CD200: variants seen among roughly 807,000 people sequenced by gnomAD.
CD200 encodes OX-2 membrane glycoprotein.
CD200 carries 15 observed loss-of-function variants against 30.9 expected under a neutral mutation model. The ratio of observed to expected loss-of-function variants is 0.49; its 90% CI spans 0.32 to 0.75. The LOEUF (loss-of-function observed/expected upper bound fraction) is 0.75. Among genes scored for constraint, CD200 ranks in the 30% least tolerant of loss-of-function variants. CD200 has a pLI of 0.03. For missense variants in CD200, 262 were observed against 324.2 expected (o/e 0.81, Z 1.47); for synonymous variants, 134 against 126.2 (o/e 1.06, Z -0.41).
chr3:112,342,295 TTCC>T (rs2081256260), intron 2 of CD200, among the ~76,000 whole-genome samples: 1 of 48,052 alleles, frequency 2.1e-5, no homozygotes, highest in South Asian at 5.9e-4. Context: ...CCTTCCTTCC[TTCC>T]TTCCTTCCTT....
At chr3:112,337,333 G>A (rs1025268273) in intron 1 of CD200, among the ~76,000 whole-genome samples, 1 of 152,114 alleles carries the variant, frequency 6.6e-6, no homozygotes, top group Admixed American at 6.5e-5. Flanking sequence ...CTGTAATCAG[G>A]CTCATAAAAG....
rs892996507 is a variant in CD200, at chr3:112,362,512, C to G, written c.*962C>G. On this transcript the variant is annotated 3_prime_UTR_variant, in exon 6 of 6. Coordinates refer to ENST00000315711, the MANE Select transcript of CD200 (RefSeq NM_005944.7). ...GTCTCTGCTGGCTTCTTTTTCCATG[C>G]GTTAACTTTTCCCAATAGCAGAGGA... The G allele has an allele frequency of 1.3e-5, 2 of 152,542 alleles. No individual in the cohort carries two copies. The highest frequency in any genetic ancestry group is 1.5e-5 in the Non-Finnish European group (1 of 68,014). The allele number at this position is 152,542 out of a possible 1,614,324, so 9.4% of individuals were successfully genotyped here. A position where few individuals can be genotyped will look rare whatever the true frequency, so the allele number is the denominator to read the frequency against.
intron 1 of CD200, chr3:112,335,829 A>T: frequency 1.3e-6 from 1 of 793,446 alleles, no homozygotes. Flanking sequence ...CACCCAGACC[A>T]TGACAGCTCT....
intron 5 of CD200, among the ~76,000 whole-genome samples, chr3:112,361,221 T>A (rs573692094): frequency 6.6e-6 from 1 of 152,072 alleles, no homozygotes; most frequent in East Asian, 1.9e-4. Context: ...TTTATTTTTA[T>A]TTTTTGTAGA....
At chr3:112,345,438 T>C in intron 3 of CD200, 150 bp downstream of exon 3, 3 of 652,700 alleles carry the variant, frequency 4.6e-6, no homozygotes, top group South Asian at 3.9e-5. Context: ...GCTGTGTTTA[T>C]GATTATTTGG....
intron 4 of CD200, 36 bp from the exon 5 acceptor site, chr3:112,349,676 A>T: frequency 6.3e-7 from 1 of 1,577,696 alleles, no homozygotes; most frequent in Non-Finnish European, 8.6e-7. Flanking sequence ...TCCTCATGTG[A>T]TGTCATTTTC....
intron 5 of CD200, among the ~76,000 whole-genome samples, chr3:112,355,937 A>G (rs1180935347): frequency 1.3e-5 from 2 of 152,244 alleles, no homozygotes; most frequent in South Asian, 2.1e-4. Flanking sequence ...AAAAATAACC[A>G]TATTGTAAAA....
intron 1 of CD200, among the ~76,000 whole-genome samples, chr3:112,339,718 A>G (rs1307481333): frequency 6.6e-6 from 1 of 152,268 alleles, no homozygotes; most frequent in Non-Finnish European, 1.5e-5. Flanking sequence ...AAAGCCTTGT[A>G]GAATTTTCTT....
chr3:112,349,516 C>T (rs1235640917), intron 4 of CD200, among the ~76,000 whole-genome samples, 196 bp from the exon 5 acceptor site: 1 of 152,074 alleles, frequency 6.6e-6, no homozygotes, highest in Non-Finnish European at 1.5e-5. Context: ...GTTTAAAGCT[C>T]TTATTACACA....
In CD200 at chr3:112,334,097, T is replaced by G. The variant is rs978885933; in HGVS notation, c.12+873T>G. 7.1e-6 allele frequency: 7 copies of G among 985,274 alleles called. No homozygotes were observed. The Admixed American group carries it at 1.8e-4, about 26-fold the overall frequency. 61.0% of individuals were successfully genotyped at this position (985,274 alleles called of 1,614,324 possible). ...GAATGGTGGTCTGTGAGCTACGGTC[T>G]ACTGCAAGCTAGATGCTGTTAATCT... On this transcript the variant is annotated intron_variant, in intron 1 of 5. Coordinates refer to ENST00000315711, the MANE Select transcript of CD200 (RefSeq NM_005944.7).
intron 4 of CD200, among the ~76,000 whole-genome samples, chr3:112,348,782 G>T (rs990171731): frequency 6.6e-6 from 1 of 152,090 alleles, no homozygotes; most frequent in African/African-American, 2.4e-5. Flanking sequence ...AAAAAGACTT[G>T]CAGTGTTGGA....
chr3:112,334,123 T>C (rs2081060340), intron 1 of CD200: 2 of 985,402 alleles, frequency 2.0e-6, no homozygotes, highest in Non-Finnish European at 1.2e-6. Context: ...CTGTTAATCT[T>C]CTTTGTAACT....
chr3:112,351,593 A>G (rs941440468), intron 5 of CD200, among the ~76,000 whole-genome samples: 4 of 152,112 alleles, frequency 2.6e-5, no homozygotes, highest in Admixed American at 6.5e-5. Flanking sequence ...AAATACCTGA[A>G]CCTATGTTGA....
chr3:112,351,979 A>G (rs2081541763), intron 5 of CD200, among the ~76,000 whole-genome samples: 1 of 152,164 alleles, frequency 6.6e-6, no homozygotes, highest in South Asian at 2.1e-4. Context: ...CAAGGGCATT[A>G]ATCAATTCCC....
chr3:112,344,365 G>T (rs2108444140), intron 2 of CD200, among the ~76,000 whole-genome samples: 1 of 152,312 alleles, frequency 6.6e-6, no homozygotes, highest in South Asian at 2.1e-4. Flanking sequence ...AAAGCAGAGG[G>T]TGTGTAAATT....
intron 1 of CD200, among the ~76,000 whole-genome samples, chr3:112,339,145 A>G (rs975720896): frequency 1.1e-4 from 16 of 152,224 alleles, no homozygotes; most frequent in African/African-American, 3.4e-4. Flanking sequence ...AAGTTGGAGT[A>G]TTATTTTAAT....
In CD200 at chr3:112,362,581, C is replaced by T. The variant is rs2081760162; in HGVS notation, c.*1031C>T. Reference sequence around the variant, plus strand: ...ATCCCTTTGTTCTAAAGATATTGTTCCAGCTAGTGGAATGATGTTGAATCT... The same window carrying T: ...ATCCCTTTGTTCTAAAGATATTGTTTCAGCTAGTGGAATGATGTTGAATCT... On this transcript the variant is annotated 3_prime_UTR_variant, in exon 6 of 6. Transcript: ENST00000315711. The T allele has an allele frequency of 6.6e-6, 1 of 152,496 alleles. No individual in the cohort carries two copies. The highest frequency in any genetic ancestry group is 1.5e-5 in the Non-Finnish European group (1 of 67,998). The allele number at this position is 152,496 out of a possible 1,614,324, so 9.4% of individuals were successfully genotyped here. A position where few individuals can be genotyped will look rare whatever the true frequency, so the allele number is the denominator to read the frequency against.
chr3:112,353,072 A>G (rs1451105485), intron 5 of CD200, among the ~76,000 whole-genome samples: 1 of 152,172 alleles, frequency 6.6e-6, no homozygotes, highest in Non-Finnish European at 1.5e-5. Flanking sequence ...TCCTAGGGAA[A>G]TTTTCCACCA....
Position 112,347,792 on chromosome 3 carries a change from T to C in CD200, c.656T>C (p.Leu219Pro). The C allele has an allele frequency of 6.2e-7, 1 of 1,613,772 alleles. No individual in the cohort carries two copies. The highest frequency in any genetic ancestry group is 8.5e-7 in the Non-Finnish European group (1 of 1,179,866). ...GKEVICQVLH[L>P]GTVTDFKQTV... ...GAGGTGATCTGCCAGGTGCTGCACCTGGGGACTGTGACCGACTTTAAGCAA... is the reference window on the plus strand; with the variant it reads ...GAGGTGATCTGCCAGGTGCTGCACCCGGGGACTGTGACCGACTTTAAGCAA... Residue 219 changes from leucine to proline, a missense_variant, in exon 4 of 6, where the codon CTG (leucine) becomes CCG (proline). Transcript: ENST00000315711.
Sources: allele counts gnomAD v4.1 joint callset (sites outside exome capture counted in the v4.1 genomes callset), GRCh38; gene constraint gnomAD v4.1.1; transcripts MANE v1.5; gene names NCBI Gene and HGNC (gene_info 2026-07-23, HGNC 2026-07-21).